Variants in MGAT4C observed in about 807,000 individuals in gnomAD.
MGAT4C encodes MGAT4 family member C.
In MGAT4C, 19 loss-of-function variants were observed where a neutral mutation model predicts 40.1. The observed-to-expected ratio is 0.47, with a 90% CI of 0.33 to 0.70. The LOEUF (loss-of-function observed/expected upper bound fraction) is 0.70, where lower values mean the gene tolerates loss of function less well. MGAT4C is among the 30% of genes least tolerant of loss of function. The probability of loss-of-function intolerance (pLI) is 0.02; values close to 1 mark genes in which losing one functional copy is unlikely to be tolerated. For synonymous variants in MGAT4C, 181 were observed against 187.1 expected (o/e 0.97, Z 0.27); for missense variants, 491 against 563.2 (o/e 0.87, Z 1.30).
chr12:86,416,424 A>G (rs1038045111), intron 3 of MGAT4C, among the ~76,000 whole-genome samples: 19 of 152,096 alleles, frequency 1.2e-4, no homozygotes, highest in African/African-American at 4.6e-4. Context: ...TGTCATACAA[A>G]ACAGAAGACT....
At chr12:86,265,655 T>C (rs1952766819) in intron 4 of MGAT4C, among the ~76,000 whole-genome samples, 1 of 152,196 alleles carries the variant, frequency 6.6e-6, no homozygotes. Context: ...TTTGGTTTCA[T>C]ATACATTTTA....
chr12:86,514,887 A>G (rs989644354), intron 2 of MGAT4C, among the ~76,000 whole-genome samples: 1 of 152,240 alleles, frequency 6.6e-6, no homozygotes, highest in Non-Finnish European at 1.5e-5. Flanking sequence ...AGGCAGTGAG[A>G]TGACATTTGG....
chr12:86,742,349 T>G (rs1244686505), intron 1 of MGAT4C, among the ~76,000 whole-genome samples: 1 of 151,668 alleles, frequency 6.6e-6, no homozygotes, highest in South Asian at 2.1e-4. Flanking sequence ...CTTAATTGAT[T>G]AATATTAAGC....
chr12:86,489,957 T>TGAAAGTGATG (rs1555195651), intron 2 of MGAT4C, among the ~76,000 whole-genome samples: 1 of 152,112 alleles, frequency 6.6e-6, no homozygotes, highest in African/African-American at 2.4e-5. Flanking sequence ...TTGGTGTACC[T>TGAAAGTGATG]GAAAGTGACG....
chr12:86,509,110 G>C (rs1265108757), intron 2 of MGAT4C, among the ~76,000 whole-genome samples: 1 of 152,082 alleles, frequency 6.6e-6, no homozygotes, highest in Admixed American at 6.5e-5. Context: ...ATTGCTTTTG[G>C]TGTTTTAGAC....
intron 2 of MGAT4C, among the ~76,000 whole-genome samples, chr12:86,497,867 T>C (rs569168688): frequency 2.1e-5 from 3 of 144,578 alleles, no homozygotes; most frequent in African/African-American, 7.5e-5. Flanking sequence ...CTTTACCAGA[T>C]TGCTAATTTT....
chr12:86,469,024 C>A (rs1957721171), intron 2 of MGAT4C, among the ~76,000 whole-genome samples: 1 of 152,208 alleles, frequency 6.6e-6, no homozygotes, highest in South Asian at 2.1e-4. Flanking sequence ...GTTTGTCATT[C>A]ATTGTCTCTT....
chr12:86,191,099 ACAC>A (rs1889367875), intron 1 of MGAT4C, among the ~76,000 whole-genome samples: 1 of 130,546 alleles, frequency 7.7e-6, no homozygotes, highest in Non-Finnish European at 1.5e-5. Context: ...ACACACACAC[ACAC>A]ACACACACAC....
At chr12:86,295,469 A>C (rs1194386128) in intron 4 of MGAT4C, among the ~76,000 whole-genome samples, 1 of 152,016 alleles carries the variant, frequency 6.6e-6, no homozygotes, top group Non-Finnish European at 1.5e-5. Flanking sequence ...GAAGCTGCAG[A>C]TTTTCGCAGT....
intron 2 of MGAT4C, chr12:86,013,673 G>A (rs1592687504): frequency 1.1e-6 from 1 of 924,946 alleles, no homozygotes. Flanking sequence ...ATTTAATACT[G>A]GTCCTACCTG....
At chr12:86,408,477 C>CTATATATA (rs1222218802) in intron 3 of MGAT4C, among the ~76,000 whole-genome samples, 31 of 97,560 alleles carry the variant, frequency 3.2e-4, no homozygotes, top group African/African-American at 9.0e-4. Context: ...CTCTCTCTCT[C>CTATATATA]TCTATATATA....
At chr12:86,773,636 C>T (rs1762871510) in intron 1 of MGAT4C, among the ~76,000 whole-genome samples, 1 of 152,012 alleles carries the variant, frequency 6.6e-6, no homozygotes, top group African/African-American at 2.4e-5. Flanking sequence ...ATAGCTACCA[C>T]AAGGCATATA....
At chr12:86,581,969 G>A (rs186148337) in intron 2 of MGAT4C, among the ~76,000 whole-genome samples, 12 of 151,526 alleles carry the variant, frequency 7.9e-5, no homozygotes, top group Non-Finnish European at 1.5e-4. Context: ...GATACAGTCC[G>A]TGTCTTATAG....
chr12:86,593,822 G>A (rs1480961559), intron 2 of MGAT4C, among the ~76,000 whole-genome samples: 1 of 152,080 alleles, frequency 6.6e-6, no homozygotes, highest in Non-Finnish European at 1.5e-5. Context: ...TCCATTAAAT[G>A]TAGTTGGTAG....
intron 2 of MGAT4C, among the ~76,000 whole-genome samples, chr12:86,715,222 T>C (rs576513397): frequency 6.6e-6 from 1 of 152,278 alleles, no homozygotes; most frequent in Admixed American, 6.5e-5. Flanking sequence ...AACAGCTGTC[T>C]TTTCTATTAC....
intron 1 of MGAT4C, among the ~76,000 whole-genome samples, chr12:86,110,107 G>A (rs374275572): frequency 6.7e-6 from 1 of 150,282 alleles, no homozygotes. Context: ...GACAGTCAGG[G>A]AGGACTGCTG....
intron 1 of MGAT4C, among the ~76,000 whole-genome samples, chr12:86,134,405 T>A (rs1191349309): frequency 6.6e-6 from 1 of 152,090 alleles, no homozygotes; most frequent in Non-Finnish European, 1.5e-5. Flanking sequence ...AAACCCATTA[T>A]AAAAAGGTTT....
intron 1 of MGAT4C, among the ~76,000 whole-genome samples, chr12:86,051,690 A>C (rs1892907513): frequency 6.6e-6 from 1 of 151,534 alleles, no homozygotes; most frequent in African/African-American, 2.4e-5. Flanking sequence ...CTAATTATTA[A>C]TATTTAACAA....
chr12:86,706,648 C>A (rs1950464938), intron 2 of MGAT4C, among the ~76,000 whole-genome samples: 1 of 152,096 alleles, frequency 6.6e-6, no homozygotes, highest in African/African-American at 2.4e-5. Flanking sequence ...TCAATATAGT[C>A]TGTTATTTCA....
Sources: gnomAD v4.1 joint callset for allele counts (sites outside exome capture counted in the v4.1 genomes callset) on GRCh38, gnomAD v4.1.1 for gene constraint, MANE v1.5 for transcripts, NCBI Gene and HGNC (gene_info 2026-07-23, HGNC 2026-07-21) for gene names.